SEM1: variants seen among roughly 807,000 people sequenced by gnomAD.
SEM1 encodes the protein 26S proteasome complex subunit SEM1.
Under a neutral mutation model 12.7 loss-of-function variants are expected in SEM1, and 3 were observed. That is an observed-to-expected ratio of 0.24 (90% CI 0.11 to 0.61). The LOEUF (loss-of-function observed/expected upper bound fraction) is 0.61, where lower values mean the gene tolerates loss of function less well. Ranked by LOEUF, SEM1 falls within the 20% of genes least tolerant of loss-of-function variation. SEM1 has a pLI of 0.88. For synonymous variants in SEM1, 30 were observed against 27.8 expected (o/e 1.08, Z -0.25); for missense variants, 59 against 81.3 (o/e 0.73, Z 1.06).
At chr7:96,646,330 CT>C (rs1468585679) in intron 2 of SEM1, among the ~76,000 whole-genome samples, 1 of 152,188 alleles carries the variant, frequency 6.6e-6, no homozygotes, top group Non-Finnish European at 1.5e-5. Flanking sequence ...TACAGAACAA[CT>C]TTGCTGACCT....
chr7:96,682,692 A>G (rs1789650100), intron 2 of SEM1, among the ~76,000 whole-genome samples: 1 of 152,122 alleles, frequency 6.6e-6, no homozygotes. Flanking sequence ...CAAACCAAAG[A>G]GCTTCTGCAC....
At chr7:96,701,625 G>A (rs1048585803) in intron 1 of SEM1, among the ~76,000 whole-genome samples, 2 of 152,004 alleles carry the variant, frequency 1.3e-5, no homozygotes, top group East Asian at 1.9e-4. Flanking sequence ...AATATTATTA[G>A]CCATATATTA....
intron 2 of SEM1, among the ~76,000 whole-genome samples, chr7:96,527,617 G>T (rs1262358207): frequency 6.6e-6 from 1 of 152,168 alleles, no homozygotes. Flanking sequence ...CAGAGAAAGT[G>T]CAGCCAAGGC....
At chr7:96,629,171 T>C (rs1328220930) in intron 2 of SEM1, among the ~76,000 whole-genome samples, 1 of 152,154 alleles carries the variant, frequency 6.6e-6, no homozygotes, top group African/African-American at 2.4e-5. Context: ...GTATTTGATA[T>C]GGGTATCTTT....
In SEM1 at chr7:96,601,381, T is replaced by G. The variant is rs1807196150; in HGVS notation, c.170+93417A>C. Among the ~76,000 whole-genome samples, 5 of 152,144 alleles carry G rather than the reference T, an allele frequency of 3.3e-5. 1 individual carries two copies. In the South Asian group the frequency reaches 1.0e-3, roughly 32 times the overall value. On this transcript the variant is annotated intron_variant and NMD_transcript_variant, in intron 2 of 3. Transcript: ENST00000466986. Reference sequence around the variant, plus strand: ...ATAGGGGTTTAGAAGGAGGATGGGGTGGGCTATGGGATGCCTTGTTGAGGA... The same window carrying G: ...ATAGGGGTTTAGAAGGAGGATGGGGGGGGCTATGGGATGCCTTGTTGAGGA...
intron 2 of SEM1, among the ~76,000 whole-genome samples, chr7:96,657,022 G>T (rs112151389): frequency 0.014 from 2,161 of 152,142 alleles, 43 homozygotes; most frequent in African/African-American, 0.05. Flanking sequence ...ATTGTCGTAA[G>T]CCCTTTAAAA....
chr7:96,696,944 G>C (rs1268256221), intron 1 of SEM1: 2 of 151,852 alleles, frequency 1.3e-5, no homozygotes, highest in Non-Finnish European at 2.9e-5. Flanking sequence ...CAGTTTTAAA[G>C]GGTTAACTCC....
chr7:96,679,040 C>T (rs1302833419), intron 2 of SEM1, among the ~76,000 whole-genome samples: 3 of 151,802 alleles, frequency 2.0e-5, no homozygotes, highest in Non-Finnish European at 4.4e-5. Context: ...TATGAAGAAA[C>T]TTCTTCAATA....
intron 2 of SEM1, among the ~76,000 whole-genome samples, chr7:96,528,181 G>T (rs924052293): frequency 1.3e-5 from 2 of 152,050 alleles, no homozygotes; most frequent in Non-Finnish European, 2.9e-5. Flanking sequence ...ATGCTCATTT[G>T]CCCAATAATT....
intron 2 of SEM1, among the ~76,000 whole-genome samples, chr7:96,595,548 G>T (rs551966263): frequency 1.1e-3 from 160 of 152,214 alleles, no homozygotes; most frequent in African/African-American, 3.7e-3. Context: ...ATATGAAAAG[G>T]CAATCAAAGA....
At chr7:96,502,076 G>A (rs1399664764) in intron 3 of SEM1, among the ~76,000 whole-genome samples, 1 of 152,136 alleles carries the variant, frequency 6.6e-6, no homozygotes, top group African/African-American at 2.4e-5. Context: ...TTTAATGGCT[G>A]CAGAGTATTC....
chr7:96,536,929 G>T (rs1804803436), intron 2 of SEM1, among the ~76,000 whole-genome samples: 1 of 151,754 alleles, frequency 6.6e-6, no homozygotes, highest in South Asian at 2.1e-4. Context: ...TATTGGTACA[G>T]TTGGATTAAT....
intron 2 of SEM1, among the ~76,000 whole-genome samples, chr7:96,652,064 A>G (rs981588374): frequency 2.6e-5 from 4 of 152,178 alleles, no homozygotes; most frequent in Admixed American, 1.3e-4. Context: ...TGCTTTGGAT[A>G]GCATGTAAAA....
chr7:96,569,250 A>AT (rs1805943303), intron 2 of SEM1, among the ~76,000 whole-genome samples: 1 of 152,048 alleles, frequency 6.6e-6, no homozygotes, highest in Non-Finnish European at 1.5e-5. Context: ...TGAAAAAGTA[A>AT]TTTTTCCTGT....
chr7:96,585,933 T>A (rs1406349462), intron 2 of SEM1, among the ~76,000 whole-genome samples: 1 of 152,222 alleles, frequency 6.6e-6, no homozygotes, highest in Non-Finnish European at 1.5e-5. Flanking sequence ...GTCTTCTGCA[T>A]CACTCATGCT....
At chr7:96,540,742 T>G (rs6963647) in intron 2 of SEM1, among the ~76,000 whole-genome samples, 1 of 151,606 alleles carries the variant, frequency 6.6e-6, no homozygotes, top group Non-Finnish European at 1.5e-5. Context: ...TAGTAGGTTT[T>G]CAACCCCCCA....
At chr7:96,563,945 G>C (rs998668550) in intron 2 of SEM1, among the ~76,000 whole-genome samples, 3 of 151,866 alleles carry the variant, frequency 2.0e-5, no homozygotes, top group African/African-American at 7.3e-5. Flanking sequence ...ATTTTACTTT[G>C]TTATGCTCTT....
At chr7:96,603,592 G>A (rs932835105) in intron 2 of SEM1, among the ~76,000 whole-genome samples, 1 of 151,978 alleles carries the variant, frequency 6.6e-6, no homozygotes, top group African/African-American at 2.4e-5. Flanking sequence ...GTTTTTTTCT[G>A]GTGCCAGACC....
rs181734535 is a variant in SEM1, at chr7:96,533,746, A to C, written c.171-27048T>G. Among the ~76,000 whole-genome samples the C allele has an allele frequency of 3.9e-3, 595 of 152,162 alleles. 4 individuals carry two copies. Among genetic ancestry groups the C allele is most frequent in the Non-Finnish European group, 5.6e-3 (380 of 67,972 alleles). On this transcript the variant is annotated intron_variant and NMD_transcript_variant, in intron 2 of 3. Coordinates refer to the SEM1 transcript ENST00000466986. ...ATGGGTTCAAAAGTATTTTCATAAA[A>C]ATACTAAGGTATTATCTGCCTTTTT...
Sources: allele counts gnomAD v4.1 joint callset (sites outside exome capture counted in the v4.1 genomes callset), GRCh38; gene constraint gnomAD v4.1.1; transcripts MANE v1.5; gene names NCBI Gene and HGNC (gene_info 2026-07-23, HGNC 2026-07-21).